MSR1: variants seen among roughly 807,000 people sequenced by gnomAD.
The protein encoded by MSR1 is macrophage scavenger receptor types I and II.
Under a neutral mutation model 47.2 loss-of-function variants are expected in MSR1, and 53 were observed. That is an observed-to-expected ratio of 1.12 (90% CI 0.90 to 1.41). The LOEUF (loss-of-function observed/expected upper bound fraction) is 1.41. MSR1 is among the 40% of genes most tolerant of loss of function. MSR1 has a pLI of 0.00. For missense variants in MSR1, 786 were observed against 546.9 expected (o/e 1.44, Z -4.36); for synonymous variants, 239 against 185.6 (o/e 1.29, Z -2.34).
chr8:16,167,546 AAAACAAACAAAC>A (rs35532101), intron 4 of MSR1, among the ~76,000 whole-genome samples: 1 of 152,138 alleles, frequency 6.6e-6, no homozygotes, highest in African/African-American at 2.4e-5. Flanking sequence ...CTCCATCTCA[AAAACAAACAAAC>A]AAACAAACAA....
intron 5 of MSR1, among the ~76,000 whole-genome samples, chr8:16,162,900 G>C (rs1313094175): frequency 6.6e-6 from 1 of 151,588 alleles, no homozygotes; most frequent in African/African-American, 2.4e-5. Context: ...CCACAAGATT[G>C]TCTGTATAAA....
At chr8:16,166,591 CCA>C (rs1280376267) in intron 4 of MSR1, among the ~76,000 whole-genome samples, 3 of 152,014 alleles carry the variant, frequency 2.0e-5, no homozygotes, top group Non-Finnish European at 4.4e-5. Flanking sequence ...TATATAGCAT[CCA>C]CACACTCCCT....
At chr8:16,112,171 T>A (rs984654389) in intron 9 of MSR1, among the ~76,000 whole-genome samples, 11 of 152,208 alleles carry the variant, frequency 7.2e-5, no homozygotes, top group African/African-American at 2.7e-4. Flanking sequence ...TATTGTGGAA[T>A]TTGGTATCTC....
Position 16,168,719 on chromosome 8 carries a change from C to A in MSR1, c.369G>T (p.Lys123Asn), listed in dbSNP as rs1448893830. The A allele has an allele frequency of 6.2e-7, 1 of 1,614,046 alleles. No individual in the cohort carries two copies. Among genetic ancestry groups the A allele is most frequent in the African/African-American group, 1.3e-5 (1 of 74,936 alleles). The change falls in exon 4 of 10, where the codon AAG becomes AAT. Residue 123 changes from lysine (K) to asparagine (N), a missense_variant. By Grantham distance (94) the Lys-to-Asn change is moderately conservative (BLOSUM62 0). Coordinates refer to ENST00000262101, the MANE Select transcript of MSR1 (RefSeq NM_138715.3). ...CCATGTCTAAAATATGCTGGATTCTCTTCTCCATGTTGCTCATGTGTTCCA... is the reference window on the plus strand; with the variant it reads ...CCATGTCTAAAATATGCTGGATTCTATTCTCCATGTTGCTCATGTGTTCCA... The part of the protein sequence containing the change: ...VFMEHMSNME[K>N]RIQHILDMEA...
At chr8:16,132,035 G>A (rs566499918) in intron 8 of MSR1, among the ~76,000 whole-genome samples, 1 of 151,848 alleles carries the variant, frequency 6.6e-6, no homozygotes, top group South Asian at 2.1e-4. Context: ...AATGTCATTG[G>A]TAGTTTGAGA....
chr8:16,158,776 A>C (rs573497379), intron 5 of MSR1, among the ~76,000 whole-genome samples: 1 of 152,048 alleles, frequency 6.6e-6, no homozygotes, highest in Non-Finnish European at 1.5e-5. Context: ...AATCAGAACT[A>C]GAAGAATTTC....
intron 3 of MSR1, among the ~76,000 whole-genome samples, chr8:16,170,052 T>C (rs1411281521): frequency 2.0e-5 from 3 of 152,064 alleles, no homozygotes; most frequent in Non-Finnish European, 4.4e-5. Context: ...AAACATTAAC[T>C]TTTTATGCAA....
At chr8:16,133,446 G>A (rs1433300085) in intron 8 of MSR1, among the ~76,000 whole-genome samples, 2 of 152,152 alleles carry the variant, frequency 1.3e-5, no homozygotes, top group African/African-American at 2.4e-5. Context: ...TTTGATGAGA[G>A]AAATGAGCAA....
intron 3 of MSR1, among the ~76,000 whole-genome samples, chr8:16,169,307 C>G (rs1801414668): frequency 6.6e-6 from 1 of 152,144 alleles, no homozygotes; most frequent in Middle Eastern, 3.2e-3. Context: ...ATGATGATGA[C>G]AAAAGCAATA....
chr8:16,131,250 T>A (rs2117084359), intron 8 of MSR1, among the ~76,000 whole-genome samples: 1 of 152,264 alleles, frequency 6.6e-6, no homozygotes, highest in Non-Finnish European at 1.5e-5. Context: ...ATGTTGAACA[T>A]TTTTGCATAT....
At chr8:16,139,172 A>G (rs1800464711) in intron 8 of MSR1, 1 of 660,168 alleles carries the variant, frequency 1.5e-6, no homozygotes, top group Admixed American at 6.3e-5. Context: ...TTTCTCGAGC[A>G]TCTCTCTTTT....
At chr8:16,168,930 C>T in intron 3 of MSR1, 60 bp from the exon 4 acceptor site, 2 of 1,456,888 alleles carry the variant, frequency 1.4e-6, no homozygotes, top group Non-Finnish European at 9.5e-7. Context: ...ATACAGGATC[C>T]CATCCCATAT....
At chr8:16,140,648 A>C in intron 8 of MSR1, 1 of 1,201,672 alleles carries the variant, frequency 8.3e-7, no homozygotes. Context: ...CTAGAACCCA[A>C]TAAATTAAAT....
chr8:16,151,773 T>C lies in MSR1; in HGVS notation c.899-1462A>G, dbSNP rs563729959. Among the ~76,000 whole-genome samples the C allele has an allele frequency of 2.0e-5, 3 of 152,264 alleles. No individual in the cohort carries two copies. In the East Asian group the frequency reaches 5.8e-4, roughly 29 times the overall value. ...TTACATAAAGCTGGTCTGATAATTA[T>C]TCACATGTCCTAGGTGTCCTGCTCC... On this transcript the variant is annotated intron_variant, in intron 6 of 9. Coordinates refer to ENST00000262101, the MANE Select transcript of MSR1 (RefSeq NM_138715.3).
chr8:16,145,213 T>C (rs1476511304), intron 7 of MSR1, among the ~76,000 whole-genome samples: 18 of 152,106 alleles, frequency 1.2e-4, no homozygotes, highest in Admixed American at 1.2e-3. Flanking sequence ...CATTTCTTAA[T>C]TGTAATTGAG....
chr8:16,110,636 A>G (rs1208382153), intron 9 of MSR1, among the ~76,000 whole-genome samples: 4 of 152,196 alleles, frequency 2.6e-5, no homozygotes, highest in African/African-American at 9.6e-5. Context: ...ATTTGCACAT[A>G]AAATAAACCG....
chr8:16,160,455 A>G (rs965360283), intron 5 of MSR1, among the ~76,000 whole-genome samples: 1 of 152,068 alleles, frequency 6.6e-6, no homozygotes, highest in Non-Finnish European at 1.5e-5. Flanking sequence ...CAGGCACTCT[A>G]ACAGGCATTG....
At chr8:16,178,868 T>C (rs1244189348) in intron 1 of MSR1, among the ~76,000 whole-genome samples, 1 of 151,806 alleles carries the variant, frequency 6.6e-6, no homozygotes, top group Non-Finnish European at 1.5e-5. Flanking sequence ...ATGATGAGCA[T>C]TTAAAAAAAA....
intron 8 of MSR1, among the ~76,000 whole-genome samples, chr8:16,138,008 G>GAAAA (rs778936817): frequency 8.1e-6 from 1 of 122,738 alleles, no homozygotes; most frequent in Non-Finnish European, 1.8e-5. Flanking sequence ...AAAGATAAAG[G>GAAAA]AAAAAAAAAA....
Sources: allele counts gnomAD v4.1 joint callset (sites outside exome capture counted in the v4.1 genomes callset), GRCh38; gene constraint gnomAD v4.1.1; transcripts MANE v1.5; gene names NCBI Gene and HGNC (gene_info 2026-07-23, HGNC 2026-07-21).